Variants in DISP3 observed in about 807,000 individuals in gnomAD.
The protein encoded by DISP3 is protein dispatched homolog 3.
A neutral mutation model predicts 135.3 loss-of-function variants in DISP3; 101 were observed. The ratio of observed to expected loss-of-function variants is 0.75; its 90% CI spans 0.64 to 0.88. The LOEUF (loss-of-function observed/expected upper bound fraction) is 0.88, where lower values mean the gene tolerates loss of function less well. DISP3 is among the 40% of genes least tolerant of loss of function. The pLI, the probability that DISP3 is intolerant of heterozygous loss-of-function variation, is 0.00. For synonymous variants in DISP3, 856 were observed against 817.0 expected (o/e 1.05, Z -0.81); for missense variants, 1,713 against 1,878.6 (o/e 0.91, Z 1.63).
chr1:11,515,502 T>C lies in DISP3; in HGVS notation c.1587T>C (p.Ile529=). 1 of 1,601,616 alleles carries C rather than the reference T, an allele frequency of 6.2e-7. No individual in the cohort carries two copies. The highest frequency in any genetic ancestry group is 8.5e-7 in the Non-Finnish European group (1 of 1,173,960). Residue 529 remains isoleucine, a splice_region_variant and synonymous_variant, in exon 5 of 21, where the codon ATT becomes ATC. Transcript: ENST00000294484. ...NGVAAFVIVG[I]GVDDVFVFIN... is the part of the protein sequence containing the mutation. Reference sequence around the variant, plus strand: ...TGGCCGCCTTCGTGATCGTGGGCATTGGTGAGTCGCCTCTGTTGTCATGGC... The same window carrying C: ...TGGCCGCCTTCGTGATCGTGGGCATCGGTGAGTCGCCTCTGTTGTCATGGC...
Position 11,514,476 on chromosome 1 carries a change from T to G in DISP3, c.1403T>G (p.Ile468Ser), listed in dbSNP as rs988899380. 5 of 1,614,040 alleles carry G rather than the reference T, an allele frequency of 3.1e-6. No homozygotes were observed. Among genetic ancestry groups the G allele is most frequent in the East Asian group, 2.2e-5 (1 of 44,894 alleles). Reference protein sequence around the residue: ...TFNNDMLLAFISSSCIAALVY... With the variant: ...TFNNDMLLAFSSSSCIAALVY... ...AACAATGACATGCTCCTGGCCTTCA[T>G]CAGCAGCAGCTGCATTGCTGCCCTG... The change falls in exon 4 of 21, where the codon ATC becomes AGC. Residue 468 changes from isoleucine (I) to serine (S), a missense_variant. By Grantham distance (142) the Ile-to-Ser change is moderately radical (BLOSUM62 -2). Coordinates refer to ENST00000294484, the MANE Select transcript of DISP3 (RefSeq NM_020780.2).
chr1:11,523,856 A>T, intron 10 of DISP3, 86 bp from the exon 11 acceptor site: 1 of 1,093,778 alleles, frequency 9.1e-7, no homozygotes, highest in Non-Finnish European at 1.3e-6. Flanking sequence ...AGACTGTCTC[A>T]GATCCCAGCC....
At chr1:11,515,688 A>G (rs915493746) in intron 5 of DISP3, among the ~76,000 whole-genome samples, 185 bp downstream of exon 5, 4 of 152,190 alleles carry the variant, frequency 2.6e-5, no homozygotes, top group African/African-American at 9.6e-5. Flanking sequence ...GGGTGAGTGG[A>G]GAGAGCAGGA....
rs933569313 is a variant in DISP3 at position 11,483,500 on chromosome 1, G to A, written c.-4+4128G>A. On this transcript the variant is annotated intron_variant, in intron 1 of 20. Coordinates refer to ENST00000294484, the MANE Select transcript of DISP3 (RefSeq NM_020780.2). The surrounding 1 kb of genome is among the most constrained non-coding windows in gnomAD (Gnocchi z 5.4). Reference sequence around the variant, plus strand: ...AGAGACTTGCCCAAGGTCACACAGCGAGAAGAGGCCAAGCTGGGATCAGAT... The same window carrying A: ...AGAGACTTGCCCAAGGTCACACAGCAAGAAGAGGCCAAGCTGGGATCAGAT... 3.9e-5 allele frequency among the ~76,000 whole-genome samples: 6 copies of A among 152,214 alleles called. No homozygotes were observed. Among genetic ancestry groups the A allele is most frequent in the Admixed American group, 3.3e-4 (5 of 15,284 alleles).
chr1:11,535,204 C>T lies in DISP3; in HGVS notation c.3649+80C>T, dbSNP rs539454742. On this transcript the variant is annotated intron_variant, in intron 19 of 20. Transcript: ENST00000294484. The stretch of plus-strand genomic sequence containing the variant: ...TCTCCCCGGTGGCCCCAGGTAGCCT[C>T]CAGGCCTCTGAACCTTTCACTGTCA... 1.3e-5 allele frequency: 18 copies of T among 1,345,692 alleles called. No individual in the cohort carries two copies. In the African/African-American group the frequency reaches 2.6e-4, roughly 19 times the overall value. The allele number at this position is 1,345,692 out of a possible 1,614,324, so 83.4% of individuals were successfully genotyped here. A position where few individuals can be genotyped will look rare whatever the true frequency, so the allele number is the denominator to read the frequency against.
rs1304241125 is a variant in DISP3, at chr1:11,519,333, C to G, written c.1890-22C>G. 5.0e-6 allele frequency: 8 copies of G among 1,611,790 alleles called. No homozygotes were observed. In the African/African-American group the frequency reaches 8.0e-5, roughly 16 times the overall value. On this transcript the variant is annotated intron_variant, in intron 7 of 20. Transcript: ENST00000294484. This position sits in a 1 kb window ranked among gnomAD's most constrained non-coding sequence, Gnocchi z 4.3. Reference sequence around the variant, plus strand: ...GTACCCAGGACCCTCTGGTTCACCCCTGTCCCCTACTCTCTCCACAGCTGC... The same window carrying G: ...GTACCCAGGACCCTCTGGTTCACCCGTGTCCCCTACTCTCTCCACAGCTGC...
At chr1:11,515,343 C>T (rs757736933) in intron 4 of DISP3, 26 bp from the exon 5 acceptor site, 64 of 1,613,804 alleles carry the variant, frequency 4.0e-5, no homozygotes, top group Non-Finnish European at 5.1e-5. Flanking sequence ...CCCCCACCGT[C>T]TCCCTGTGTC....
At chr1:11,488,951 C>T (rs1037857825) in intron 1 of DISP3, among the ~76,000 whole-genome samples, 33 of 152,154 alleles carry the variant, frequency 2.2e-4, no homozygotes, top group African/African-American at 8.0e-4. Flanking sequence ...TTCAGTCCCA[C>T]CGCCTCCCCC....
Position 11,526,803 on chromosome 1 carries a change from C to T in DISP3, c.2766C>T (p.Phe922=). Residue 922 remains phenylalanine (F), a synonymous_variant, in exon 13 of 21, where the codon TTC becomes TTT. Coordinates refer to ENST00000294484, the MANE Select transcript of DISP3 (RefSeq NM_020780.2). ...GGGGCTGGAAGTTTGACTTCAGCTT[C>T]TACGTGGCCACCAAGGAGCAGCAGC... ...AKRGWKFDFS[F]YVATKEQQHT... 1 of 1,609,878 alleles carries T rather than the reference C, an allele frequency of 6.2e-7. No individual in the cohort carries two copies. The highest frequency in any genetic ancestry group is 8.5e-7 in the Non-Finnish European group (1 of 1,179,862).
Position 11,536,184 on chromosome 1 carries a change from A to G in DISP3, c.3817-140A>G. 2 of 1,292,634 alleles carry G rather than the reference A, an allele frequency of 1.5e-6. No individual in the cohort carries two copies. The allele number at this position is 1,292,634 out of a possible 1,614,324, so 80.1% of individuals were successfully genotyped here. Reference sequence around the variant, plus strand: ...ACACCTACCTGGTTCCTACCCTCCCAACCCTGGGAGGCCACTTGCAGCTCT... The same window carrying G: ...ACACCTACCTGGTTCCTACCCTCCCGACCCTGGGAGGCCACTTGCAGCTCT... On this transcript the variant is annotated intron_variant, in intron 20 of 20. Transcript: ENST00000294484. This position sits in a 1 kb window ranked among gnomAD's most constrained non-coding sequence, Gnocchi z 4.3.
rs1235220431 is a variant in DISP3, at chr1:11,519,813, G to A, written c.2133G>A (p.Val711=). ...SNTGSRGHLI[V]QLQELLHHWV... ...CGGGCAGCCGCGGCCATCTCATCGT[G>A]CAGCTGCAGGAGCTGCTGCACCACT... The change falls in exon 9 of 21, where the codon GTG becomes GTA. Residue 711 remains valine, a synonymous_variant. Coordinates refer to ENST00000294484, the MANE Select transcript of DISP3 (RefSeq NM_020780.2). This position sits in a 1 kb window ranked among gnomAD's most constrained non-coding sequence, Gnocchi z 4.3. The A allele has an allele frequency of 1.6e-5, 26 of 1,612,706 alleles. No homozygotes were observed. Among genetic ancestry groups the A allele is most frequent in the Non-Finnish European group, 2.2e-5 (26 of 1,180,004 alleles).
intron 10 of DISP3, 118 bp from the exon 11 acceptor site, chr1:11,523,824 A>G: frequency 2.8e-6 from 2 of 706,742 alleles, no homozygotes; most frequent in Non-Finnish European, 4.7e-6. Flanking sequence ...CACCCCCTCC[A>G]GTCCCTGGGC....
At position 11,501,016 on chromosome 1, in the gene DISP3, G is replaced by T; in HGVS notation, c.24G>T (p.Leu8Phe). MDTEDDP[L>F]LQDVWLEEEQ... ...CTATGGACACGGAGGATGACCCCTT[G>T]CTGCAGGATGTGTGGCTAGAGGAGG... The change falls in exon 2 of 21, where the codon TTG becomes TTT. Residue 8 changes from leucine to phenylalanine, a missense_variant. Leu to Phe is a conservative substitution (Grantham distance 22). This residue lies in a region of DISP3 where 571 missense variants were observed against 494.1 expected (regional missense o/e 1.16). Coordinates refer to ENST00000294484, the MANE Select transcript of DISP3 (RefSeq NM_020780.2). The surrounding 1 kb of genome is among the most constrained non-coding windows in gnomAD (Gnocchi z 4.9). The T allele has an allele frequency of 1.2e-6, 2 of 1,614,060 alleles. No individual in the cohort carries two copies. The highest frequency in any genetic ancestry group is 1.7e-6 in the Non-Finnish European group (2 of 1,180,004).
intron 11 of DISP3, among the ~76,000 whole-genome samples, chr1:11,524,950 C>T (rs1642368786): frequency 6.7e-6 from 1 of 148,282 alleles, no homozygotes; most frequent in African/African-American, 2.5e-5. Context: ...ATCTCCCTCA[C>T]CACCTCCCCC....
chr1:11,495,705 C>T (rs1364818318), intron 1 of DISP3, among the ~76,000 whole-genome samples: 2 of 152,228 alleles, frequency 1.3e-5, no homozygotes, highest in Non-Finnish European at 2.9e-5. Context: ...GCTCATTGAA[C>T]GATCCCTCTC....
rs1410929366 is a variant in DISP3, at chr1:11,535,603, T to A, written c.3775T>A (p.Tyr1259Asn). 6.2e-7 allele frequency: 1 copy of A among 1,613,228 alleles called. No individual in the cohort carries two copies. Among genetic ancestry groups the A allele is most frequent in the Non-Finnish European group, 8.5e-7 (1 of 1,179,842 alleles). The change falls in exon 20 of 21, where the codon TAC becomes AAC. Residue 1259 changes from tyrosine to asparagine, a missense_variant. Tyr to Asn is a moderately radical substitution (Grantham distance 143). Coordinates refer to ENST00000294484, the MANE Select transcript of DISP3 (RefSeq NM_020780.2). ...TTACTGCGTCCACCTGGTCGAGGGC[T>A]ACCTGCTGGCTGGAGAGAACCTGCC... ...VDYCVHLVEG[Y>N]LLAGENLPPH...
chr1:11,533,278 T>TGG (rs1412098877), intron 17 of DISP3, among the ~76,000 whole-genome samples: 1 of 143,048 alleles, frequency 7.0e-6, no homozygotes, highest in African/African-American at 2.6e-5. Flanking sequence ...TTTTTTTTAA[T>TGG]GGAGTTTCAC....
At chr1:11,530,482 T>A (rs1313886210) in intron 15 of DISP3, among the ~76,000 whole-genome samples, 1 of 151,988 alleles carries the variant, frequency 6.6e-6, no homozygotes, top group East Asian at 1.9e-4. Context: ...ATGGCAGCCA[T>A]GGAGTAAGTC....
rs1464392585 is a variant in DISP3 at position 11,530,028 on chromosome 1, C to T, written c.3102+69C>T. ...ACAGTCTTGCAAATAAGCACCTGTCCAGGGAACCATGTCCAGCTCCTCACA... is the reference window on the plus strand; with the variant it reads ...ACAGTCTTGCAAATAAGCACCTGTCTAGGGAACCATGTCCAGCTCCTCACA... On this transcript the variant is annotated intron_variant, in intron 15 of 20. Transcript: ENST00000294484. The T allele has an allele frequency of 1.7e-5, 26 of 1,563,512 alleles. No individual in the cohort carries two copies. In the East Asian group the frequency reaches 2.7e-4, roughly 16 times the overall value.
Sources: gnomAD v4.1 joint callset for allele counts (sites outside exome capture counted in the v4.1 genomes callset) on GRCh38, gnomAD v4.1.1 for gene constraint, gnomAD v4.1.1 regional missense constraint, Gnocchi (gnomAD v3.1) non-coding constraint, MANE v1.5 for transcripts, NCBI Gene and HGNC (gene_info 2026-07-23, HGNC 2026-07-21) for gene names.